Variants in ZNG1A observed in about 807,000 individuals in gnomAD.
ZNG1A encodes Zn regulated GTPase metalloprotein activator 1A.
At chr9:151,408 G>A in the ZNG1A span, 19 of 954,046 alleles carry the variant, frequency 2.0e-5, no homozygotes, top group Admixed American at 1.2e-3. Context: ...GCCTGTTGCT[G>A]AGTCTATTAG....
chr9:140,672 C>T, the ZNG1A span, among the ~76,000 whole-genome samples: 19 of 152,038 alleles, frequency 1.2e-4, no homozygotes, highest in African/African-American at 2.7e-4. Flanking sequence ...TCACCAGCAA[C>T]GGAACAAAGC....
the ZNG1A span, among the ~76,000 whole-genome samples, chr9:152,612 A>G: frequency 6.6e-6 from 1 of 151,818 alleles, no homozygotes; most frequent in African/African-American, 2.4e-5. Flanking sequence ...CAGTTACCTA[A>G]TTAGGCTCTC....
At chr9:141,894 AG>A in the ZNG1A span, among the ~76,000 whole-genome samples, 23 of 152,260 alleles carry the variant, frequency 1.5e-4, no homozygotes, top group African/African-American at 5.5e-4. Flanking sequence ...TTGCAATCCT[AG>A]TCTCTGATAA....
the ZNG1A span, among the ~76,000 whole-genome samples, chr9:155,405 A>G: frequency 6.6e-6 from 1 of 151,914 alleles, no homozygotes; most frequent in Admixed American, 6.6e-5. Flanking sequence ...TGGGCAACAT[A>G]GCAAGACTCC....
the ZNG1A span, among the ~76,000 whole-genome samples, chr9:149,746 CTTA>C: frequency 6.7e-5 from 10 of 150,160 alleles, no homozygotes; most frequent in African/African-American, 2.2e-4. Context: ...ATTAATTTAA[CTTA>C]TTATTGACCA....
the ZNG1A span, among the ~76,000 whole-genome samples, chr9:140,742 C>T: frequency 6.6e-6 from 1 of 151,678 alleles, no homozygotes; most frequent in African/African-American, 2.4e-5. Context: ...CAAACTACTC[C>T]GAGCTATGGG....
At chr9:121,685 A>C in the ZNG1A span, 1 of 1,288,514 alleles carries the variant, frequency 7.8e-7, no homozygotes, top group Non-Finnish European at 1.1e-6. Flanking sequence ...ATTTACAAAA[A>C]GAATAGTAAT....
At chr9:174,490 T>C in the ZNG1A span, among the ~76,000 whole-genome samples, 2 of 151,932 alleles carry the variant, frequency 1.3e-5, no homozygotes, top group Non-Finnish European at 2.9e-5. Context: ...AAAAATAAAA[T>C]TGCAAAAATG....
At chr9:137,301 T>C in the ZNG1A span, among the ~76,000 whole-genome samples, 19 of 150,414 alleles carry the variant, frequency 1.3e-4, no homozygotes, top group African/African-American at 4.7e-4. Context: ...ACAGAGGCTA[T>C]AGGGAGCTGA....
At chr9:171,772 G>C in the ZNG1A span, 1 of 357,320 alleles carries the variant, frequency 2.8e-6, no homozygotes, top group Admixed American at 4.3e-5. Flanking sequence ...ACTGTACTTA[G>C]AGGTAGAACG....
the ZNG1A span, among the ~76,000 whole-genome samples, chr9:152,411 T>TATGATAC: frequency 6.6e-6 from 1 of 152,302 alleles, no homozygotes; most frequent in South Asian, 2.1e-4. Context: ...TATCCTAGTG[T>TATGATAC]TCTTAAAAAT....
chr9:141,068 G>A, the ZNG1A span, among the ~76,000 whole-genome samples: 2 of 138,160 alleles, frequency 1.4e-5, no homozygotes, highest in Admixed American at 7.3e-5. Flanking sequence ...CGTCTGATTG[G>A]TGTACCTGAA....
chr9:160,010 G>C, the ZNG1A span: 1 of 453,022 alleles, frequency 2.2e-6, no homozygotes, highest in Non-Finnish European at 4.4e-6. Flanking sequence ...CCTTCTCTGG[G>C]TAACTTCATT....
At chr9:136,085 G>C in the ZNG1A span, among the ~76,000 whole-genome samples, 1,111 of 72,246 alleles carry the variant, frequency 0.015, 161 homozygotes, top group African/African-American at 0.041. Context: ...TGACTGCCTA[G>C]AACTTCATAC....
At chr9:163,101 G>C in the ZNG1A span, among the ~76,000 whole-genome samples, 1 of 151,398 alleles carries the variant, frequency 6.6e-6, no homozygotes, top group Admixed American at 6.6e-5. Context: ...AGAGCTCAAT[G>C]ATGGGGCCCA....
chr9:171,982 A>C, the ZNG1A span: 2 of 1,587,228 alleles, frequency 1.3e-6, no homozygotes, highest in Non-Finnish European at 1.7e-6. Context: ...GTTTAATACT[A>C]ACAAAAGCTT....
the ZNG1A span, among the ~76,000 whole-genome samples, chr9:131,181 T>G: frequency 1.4e-3 from 184 of 131,720 alleles, no homozygotes; most frequent in African/African-American, 5.7e-3. Flanking sequence ...ATTTCAGACT[T>G]TTTTTTTCCA....
At chr9:124,363 T>TA in the ZNG1A span, among the ~76,000 whole-genome samples, 2 of 151,454 alleles carry the variant, frequency 1.3e-5, no homozygotes, top group African/African-American at 4.8e-5. Context: ...AAAATGAATT[T>TA]AAAAAGGTAG....
chr9:178,372 C>A, the ZNG1A span, among the ~76,000 whole-genome samples: 1 of 151,878 alleles, frequency 6.6e-6, no homozygotes. Flanking sequence ...GAAGGGGAAT[C>A]TACTGACGAA....
Sources: allele counts gnomAD v4.1 joint callset (sites outside exome capture counted in the v4.1 genomes callset), GRCh38; gene constraint gnomAD v4.1.1; transcripts MANE v1.5; gene names NCBI Gene and HGNC (gene_info 2026-07-23, HGNC 2026-07-21).